Variants in NCAM2 observed in about 807,000 individuals in gnomAD.
NCAM2 encodes neural cell adhesion molecule 2, also known as N-CAM-2.
NCAM2 carries 30 observed loss-of-function variants against 98.1 expected under a neutral mutation model. The ratio of observed to expected loss-of-function variants is 0.31; its 90% CI spans 0.23 to 0.41. The LOEUF (loss-of-function observed/expected upper bound fraction) is 0.41, where lower values mean the gene tolerates loss of function less well. Among genes scored for constraint, NCAM2 ranks in the 10% least tolerant of loss-of-function variants. The pLI is 1.00. For missense variants in NCAM2, 867 were observed against 1,005.8 expected, an observed-to-expected ratio of 0.86 and a Z score of 1.87; for synonymous variants, 368 against 342.4, an observed-to-expected ratio of 1.07 and a Z score of -0.83.
intron 1 of NCAM2, among the ~76,000 whole-genome samples, chr21:21,234,461 G>T (rs2070743288): frequency 6.6e-6 from 1 of 151,858 alleles, no homozygotes; most frequent in South Asian, 2.1e-4. Context: ...ATGGAAATAT[G>T]CATAGGAAAG....
At chr21:21,194,988 A>C (rs989493562) in intron 1 of NCAM2, among the ~76,000 whole-genome samples, 3 of 152,146 alleles carry the variant, frequency 2.0e-5, no homozygotes, top group Non-Finnish European at 4.4e-5. Flanking sequence ...ATCTGTATAT[A>C]AATTAGAATA....
intron 11 of NCAM2, among the ~76,000 whole-genome samples, chr21:21,424,893 G>A (rs1268333775): frequency 5.9e-5 from 9 of 151,412 alleles, no homozygotes; most frequent in South Asian, 2.1e-4. Context: ...AATATTAGCC[G>A]GGTGTGGTGA....
At chr21:21,335,064 A>G (rs888367534) in intron 6 of NCAM2, among the ~76,000 whole-genome samples, 5 of 152,072 alleles carry the variant, frequency 3.3e-5, no homozygotes, top group Non-Finnish European at 7.4e-5. Context: ...TTTACTTTGA[A>G]GCTTCTGTGA....
chr21:21,456,321 A>G (rs537288539), intron 12 of NCAM2, among the ~76,000 whole-genome samples: 1 of 152,320 alleles, frequency 6.6e-6, no homozygotes, highest in African/African-American at 2.4e-5. Flanking sequence ...AAAATCTCTA[A>G]TTAACCAGAG....
intron 15 of NCAM2, 128 bp from the exon 16 acceptor site, chr21:21,508,723 T>A: frequency 1.4e-6 from 1 of 720,098 alleles, no homozygotes; most frequent in Non-Finnish European, 2.1e-6. Flanking sequence ...CTTTATTCTG[T>A]CTCTTAAATT....
intron 9 of NCAM2, among the ~76,000 whole-genome samples, chr21:21,400,597 C>CT (rs59168731): frequency 0.12 from 16,251 of 137,918 alleles, 1,207 homozygotes; most frequent in Middle Eastern, 0.19. Context: ...TTACCAAAAA[C>CT]TTTTTTTTTT....
intron 9 of NCAM2, among the ~76,000 whole-genome samples, chr21:21,396,481 A>G (rs1240289282): frequency 6.6e-6 from 1 of 152,150 alleles, no homozygotes; most frequent in Non-Finnish European, 1.5e-5. Context: ...TGTGGCTGGT[A>G]GTACCTCTGC....
At chr21:21,276,902 A>T (rs1265713974) in intron 1 of NCAM2, among the ~76,000 whole-genome samples, 2 of 152,072 alleles carry the variant, frequency 1.3e-5, no homozygotes, top group Admixed American at 6.5e-5. Flanking sequence ...CTGAATGAAA[A>T]ATTAACCAGA....
chr21:21,303,067 G>A (rs62207670), intron 5 of NCAM2, among the ~76,000 whole-genome samples: 7,288 of 151,946 alleles, frequency 0.048, 309 homozygotes, highest in East Asian at 0.19. Flanking sequence ...ATGAACCTCC[G>A]CATGGGAACC....
chr21:21,297,624 G>C (rs990287802), intron 5 of NCAM2, among the ~76,000 whole-genome samples: 1 of 151,378 alleles, frequency 6.6e-6, no homozygotes, highest in Non-Finnish European at 1.5e-5. Flanking sequence ...ACACATCATG[G>C]ATACGCTTTT....
intron 1 of NCAM2, chr21:21,223,679 T>C (rs2070262241): frequency 6.6e-6 from 1 of 152,140 alleles, no homozygotes; most frequent in African/African-American, 2.4e-5. Context: ...TAGCAGATTT[T>C]GTCAGTACTG....
intron 9 of NCAM2, among the ~76,000 whole-genome samples, chr21:21,385,450 A>T (rs2076251417): frequency 6.6e-6 from 1 of 151,742 alleles, no homozygotes; most frequent in Admixed American, 6.6e-5. Flanking sequence ...ATACCACCTG[A>T]ACCAAGCACC....
At chr21:21,103,952 G>A (rs925263412) in intron 1 of NCAM2, among the ~76,000 whole-genome samples, 4 of 152,112 alleles carry the variant, frequency 2.6e-5, no homozygotes, top group Admixed American at 6.6e-5. Context: ...GAAAATAATC[G>A]TGGTTGTGGA....
At chr21:21,484,265 T>C (rs1421829667) in intron 15 of NCAM2, among the ~76,000 whole-genome samples, 1 of 152,218 alleles carries the variant, frequency 6.6e-6, no homozygotes, top group East Asian at 1.9e-4. Flanking sequence ...ATTCTTGTTT[T>C]GTATGAAAGT....
chr21:21,143,820 TCCAGCAGTTATTTGTATTTA>T (rs2067219028), intron 1 of NCAM2, among the ~76,000 whole-genome samples: 1 of 150,134 alleles, frequency 6.7e-6, no homozygotes. Context: ...TTTTTTTTTT[TCCAGCAGTTATTTGTATTTA>T]TTTGTTTTTT....
intron 12 of NCAM2, among the ~76,000 whole-genome samples, chr21:21,441,204 T>C (rs913285347): frequency 6.6e-6 from 1 of 152,180 alleles, no homozygotes; most frequent in Non-Finnish European, 1.5e-5. Context: ...GTTTCATGTC[T>C]ACAAAACTAA....
chr21:21,211,957 G>A (rs1158267442), intron 1 of NCAM2, among the ~76,000 whole-genome samples: 2 of 152,112 alleles, frequency 1.3e-5, no homozygotes, highest in African/African-American at 2.4e-5. Flanking sequence ...ATTGGTGATG[G>A]GAATGTAAAA....
chr21:21,131,165 C>G (rs1240412427), intron 1 of NCAM2, among the ~76,000 whole-genome samples: 1 of 151,962 alleles, frequency 6.6e-6, no homozygotes, highest in Non-Finnish European at 1.5e-5. Flanking sequence ...ACATTTCTAA[C>G]TGATCATTGG....
chr21:20,998,713 G>A, intron 1 of NCAM2, 95 bp downstream of exon 1: 1 of 1,187,924 alleles, frequency 8.4e-7, no homozygotes, highest in Admixed American at 2.0e-5. Flanking sequence ...TGAAATGAAA[G>A]AACTAAAGTT....
Sources: gnomAD v4.1 joint callset for allele counts (sites outside exome capture counted in the v4.1 genomes callset) on GRCh38, gnomAD v4.1.1 for gene constraint, MANE v1.5 for transcripts, NCBI Gene and HGNC (gene_info 2026-07-23, HGNC 2026-07-21) for gene names.